The following MAF variants were observed in gnomAD, a reference collection of about 807,000 sequenced individuals.
MAF encodes the protein transcription factor Maf.
Under a neutral mutation model 22.0 loss-of-function variants are expected in MAF, and 10 were observed. That is an observed-to-expected ratio of 0.45 (90% CI 0.28 to 0.77). The LOEUF (loss-of-function observed/expected upper bound fraction) is 0.77. MAF is among the 30% of genes least tolerant of loss of function. The pLI is 0.12. For synonymous variants in MAF, 337 were observed against 255.8 expected, an observed-to-expected ratio of 1.32 and a Z score of -3.03; for missense variants, 544 against 548.4, an observed-to-expected ratio of 0.99 and a Z score of 0.08.
At chr16:79,458,118 G>GTA in the MAF span, among the ~76,000 whole-genome samples, 1 of 149,550 alleles carries the variant, frequency 6.7e-6, no homozygotes, top group Non-Finnish European at 1.5e-5. Flanking sequence ...AAGTGTGTGT[G>GTA]TGTGTGTGTG....
the MAF span, among the ~76,000 whole-genome samples, chr16:79,354,690 A>C: frequency 1.3e-5 from 2 of 152,160 alleles, no homozygotes; most frequent in Non-Finnish European, 2.9e-5. Context: ...CCAAGGAAAA[A>C]CTGTCCTGCA....
the MAF span, chr16:79,203,116 C>G: frequency 6.6e-5 from 10 of 152,232 alleles, no homozygotes; most frequent in African/African-American, 2.2e-4. Context: ...TAGCAACACG[C>G]TGCTGGTGAA....
the MAF span, among the ~76,000 whole-genome samples, chr16:79,386,618 A>G: frequency 6.6e-6 from 1 of 152,136 alleles, no homozygotes; most frequent in South Asian, 2.1e-4. Context: ...GTATATAACT[A>G]TATACACATA....
At chr16:79,258,597 C>T in the MAF span, among the ~76,000 whole-genome samples, 4 of 152,200 alleles carry the variant, frequency 2.6e-5, no homozygotes, top group African/African-American at 9.7e-5. Context: ...AGCCATTTAT[C>T]CCACTCTCCT....
the MAF span, among the ~76,000 whole-genome samples, chr16:79,280,337 C>G: frequency 2.6e-5 from 4 of 152,220 alleles, no homozygotes; most frequent in Non-Finnish European, 5.9e-5. Flanking sequence ...AGTCCAGCTG[C>G]AGTCTAAGTT....
At chr16:79,203,895 GAAGTA>G in the MAF span, 8 of 152,252 alleles carry the variant, frequency 5.3e-5, no homozygotes, top group South Asian at 1.7e-3. Context: ...AGAGGTTAAA[GAAGTA>G]GAGTAAAAAT....
the MAF span, among the ~76,000 whole-genome samples, chr16:79,390,765 G>A: frequency 6.6e-6 from 1 of 152,134 alleles, no homozygotes. Flanking sequence ...GAAATTAATT[G>A]TCCTTGTTCT....
chr16:79,487,028 A>T, the MAF span, among the ~76,000 whole-genome samples: 1 of 151,962 alleles, frequency 6.6e-6, no homozygotes, highest in Admixed American at 6.6e-5. Flanking sequence ...GAGGTGAGAG[A>T]GGTTGGGGAG....
the MAF span, among the ~76,000 whole-genome samples, chr16:79,526,182 T>G: frequency 6.6e-5 from 10 of 152,330 alleles, no homozygotes; most frequent in African/African-American, 2.4e-4. Flanking sequence ...CCAATCTTTT[T>G]GGCACCAGGA....
At chr16:79,211,643 T>TGTCC in the MAF span, 3 of 1,614,116 alleles carry the variant, frequency 1.9e-6, no homozygotes, top group African/African-American at 4.0e-5. Context: ...ACTGTGCTGC[T>TGTCC]GTCCCAGAAC....
chr16:79,388,895 G>C, the MAF span, among the ~76,000 whole-genome samples: 1 of 152,292 alleles, frequency 6.6e-6, no homozygotes, highest in Non-Finnish European at 1.5e-5. Flanking sequence ...CCAGAACTCA[G>C]CTAGCTTGAC....
chr16:79,515,606 C>A, the MAF span, among the ~76,000 whole-genome samples: 2 of 152,172 alleles, frequency 1.3e-5, no homozygotes, highest in African/African-American at 2.4e-5. Flanking sequence ...ATTTTCAGTG[C>A]ATGGTTTATA....
chr16:79,416,787 T>G, the MAF span, among the ~76,000 whole-genome samples: 2 of 152,222 alleles, frequency 1.3e-5, no homozygotes, highest in Non-Finnish European at 2.9e-5. Context: ...ACCCTCTCCC[T>G]GTAGAAAGTT....
the MAF span, among the ~76,000 whole-genome samples, chr16:79,430,014 G>T: frequency 3.9e-5 from 6 of 152,110 alleles, no homozygotes; most frequent in African/African-American, 1.4e-4. Flanking sequence ...GGAGTTCTGG[G>T]CTGGGGACCA....
chr16:79,379,747 C>T, the MAF span, among the ~76,000 whole-genome samples: 14 of 152,100 alleles, frequency 9.2e-5, no homozygotes, highest in Non-Finnish European at 1.3e-4. Context: ...GGAAGGGCAG[C>T]CTTGTTGGGT....
the MAF span, among the ~76,000 whole-genome samples, chr16:79,452,635 A>C: frequency 6.6e-6 from 1 of 152,194 alleles, no homozygotes; most frequent in South Asian, 2.1e-4. Flanking sequence ...ATCGTGCATC[A>C]GACTTGCTAT....
chr16:79,556,596 A>T, the MAF span, among the ~76,000 whole-genome samples: 1 of 152,224 alleles, frequency 6.6e-6, no homozygotes, highest in Admixed American at 6.5e-5. Flanking sequence ...ATATAACACA[A>T]ATTATGGGGA....
At chr16:79,496,563 G>A in the MAF span, among the ~76,000 whole-genome samples, 4 of 152,156 alleles carry the variant, frequency 2.6e-5, no homozygotes, top group Non-Finnish European at 4.4e-5. Flanking sequence ...GTTTCTTGCC[G>A]TGGTATTATA....
At chr16:79,217,613 T>C in the MAF span, among the ~76,000 whole-genome samples, 1 of 152,174 alleles carries the variant, frequency 6.6e-6, no homozygotes, top group Non-Finnish European at 1.5e-5. Context: ...CGCGCTCATC[T>C]GATGCTACAG....
Sources: gnomAD v4.1 joint callset for allele counts (sites outside exome capture counted in the v4.1 genomes callset) on GRCh38, gnomAD v4.1.1 for gene constraint, MANE v1.5 for transcripts, NCBI Gene and HGNC (gene_info 2026-07-23, HGNC 2026-07-21) for gene names.